Variants in ZNF730 observed in about 807,000 individuals in gnomAD.
ZNF730 encodes zinc finger protein 730.
A neutral mutation model predicts 12.6 loss-of-function variants in ZNF730; 12 were observed. The observed-to-expected ratio is 0.95, with a 90% confidence interval of 0.61 to 1.54. ZNF730 has a LOEUF of 1.54. ZNF730 is among the 40% of genes most tolerant of loss of function. The pLI, the probability that ZNF730 is intolerant of heterozygous loss-of-function variation, is 0.00. For synonymous variants in ZNF730, 194 were observed against 195.8 expected (o/e 0.99, Z 0.08); for missense variants, 643 against 583.5 (o/e 1.10, Z -1.05).
intron 1 of ZNF730, among the ~76,000 whole-genome samples, chr19:23,077,665 C>A (rs956273343): frequency 7.2e-5 from 11 of 151,946 alleles, no homozygotes; most frequent in Admixed American, 5.9e-4. Context: ...TGGTCTTGAA[C>A]TCCTGATGTC....
chr19:23,118,719 AG>A (rs757603034), intron 1 of ZNF730, among the ~76,000 whole-genome samples: 107 of 152,288 alleles, frequency 7.0e-4, no homozygotes, highest in Middle Eastern at 3.4e-3. Flanking sequence ...GCGGGTATTG[AG>A]GGAAAAACAG....
intron 1 of ZNF730, chr19:23,125,561 G>T (rs989424540): frequency 1.3e-5 from 2 of 152,174 alleles, no homozygotes; most frequent in Non-Finnish European, 2.9e-5. Flanking sequence ...AGAGATTTGT[G>T]AAACTTTGAA....
At chr19:23,117,842 T>C (rs1308838641) in intron 1 of ZNF730, among the ~76,000 whole-genome samples, 1 of 152,228 alleles carries the variant, frequency 6.6e-6, no homozygotes, top group African/African-American at 2.4e-5. Flanking sequence ...AATTTTGTTT[T>C]CCTTAATGTA....
intron 1 of ZNF730, among the ~76,000 whole-genome samples, chr19:23,129,572 T>TCCCGC (rs1555715537): frequency 1.2e-4 from 16 of 138,486 alleles, no homozygotes; most frequent in African/African-American, 4.5e-4. Flanking sequence ...AATGCTTGTA[T>TCCCGC]CCCCCCCCCC....
chr19:23,144,828 C>T (rs1338782650), intron 3 of ZNF730, among the ~76,000 whole-genome samples: 1 of 151,710 alleles, frequency 6.6e-6, no homozygotes, highest in Non-Finnish European at 1.5e-5. Flanking sequence ...TAAAGTATGC[C>T]ACCATTTCTT....
intron 1 of ZNF730, among the ~76,000 whole-genome samples, chr19:23,111,277 A>G (rs1970458387): frequency 6.6e-6 from 1 of 152,224 alleles, no homozygotes; most frequent in Admixed American, 6.5e-5. Context: ...CCATTTAAAC[A>G]TTTATACAGA....
At chr19:23,119,215 A>G (rs1970568977) in intron 1 of ZNF730, among the ~76,000 whole-genome samples, 1 of 152,214 alleles carries the variant, frequency 6.6e-6, no homozygotes, top group African/African-American at 2.4e-5. Flanking sequence ...ATTTGCCTTC[A>G]ATGCCAAGTT....
At chr19:23,093,495 C>A (rs1286454922) in intron 1 of ZNF730, among the ~76,000 whole-genome samples, 2 of 152,198 alleles carry the variant, frequency 1.3e-5, no homozygotes, top group Non-Finnish European at 2.9e-5. Flanking sequence ...AGGGGGTACC[C>A]CTGCTTGGCA....
At chr19:23,075,394 A>T (rs1291580074) in intron 1 of ZNF730, 2 of 154,232 alleles carry the variant, frequency 1.3e-5, no homozygotes, top group Non-Finnish European at 2.9e-5. Flanking sequence ...AGTGGTGCGT[A>T]TGCGGGGTTG....
At chr19:23,094,808 T>C (rs1278281521) in intron 1 of ZNF730, among the ~76,000 whole-genome samples, 1 of 152,128 alleles carries the variant, frequency 6.6e-6, no homozygotes, top group Non-Finnish European at 1.5e-5. Flanking sequence ...GGTCTCACTA[T>C]GTTGTCCAGG....
At position 23,146,935 on chromosome 19, in the gene ZNF730, A is replaced by G; in HGVS notation, c.*379A>G. ...TTTTGACAACACCTCAAACTTTTCC[A>G]GATGTCAAAGAAATGCTGGTGAGAA... On this transcript the variant is annotated 3_prime_UTR_variant, in exon 4 of 4. Transcript: ENST00000597761. 4.8e-6 allele frequency: 2 copies of G among 414,020 alleles called. No individual in the cohort carries two copies. Among genetic ancestry groups the G allele is most frequent in the Non-Finnish European group, 4.5e-6 (1 of 223,596 alleles). 25.6% of individuals were successfully genotyped at this position (414,020 alleles called of 1,614,324 possible). A position where few individuals can be genotyped will look rare whatever the true frequency, so the allele number is the denominator to read the frequency against.
At chr19:23,091,434 G>C (rs753722797) in intron 1 of ZNF730, among the ~76,000 whole-genome samples, 1 of 152,208 alleles carries the variant, frequency 6.6e-6, no homozygotes, top group Non-Finnish European at 1.5e-5. Context: ...CCAGACCCCA[G>C]AATGGTAGAT....
At chr19:23,099,768 C>T (rs552579395) in intron 1 of ZNF730, among the ~76,000 whole-genome samples, 1 of 152,270 alleles carries the variant, frequency 6.6e-6, no homozygotes, top group African/African-American at 2.4e-5. Context: ...CACCAAAAGA[C>T]CTTCTTATAG....
At chr19:23,141,433 G>A (rs990596341) in intron 3 of ZNF730, among the ~76,000 whole-genome samples, 1 of 152,000 alleles carries the variant, frequency 6.6e-6, no homozygotes, top group African/African-American at 2.4e-5. Flanking sequence ...CAGACATGGT[G>A]TTGTGCACCT....
chr19:23,106,926 G>A (rs941460514), intron 1 of ZNF730, among the ~76,000 whole-genome samples: 1 of 151,986 alleles, frequency 6.6e-6, no homozygotes, highest in Non-Finnish European at 1.5e-5. Flanking sequence ...ATAAGCATAT[G>A]AATTAGCAAT....
intron 1 of ZNF730, chr19:23,125,673 TG>T (rs2145624326): frequency 6.6e-6 from 1 of 152,434 alleles, no homozygotes; most frequent in African/African-American, 2.4e-5. Flanking sequence ...GGATAGGTTT[TG>T]TTAAAGTTGT....
At chr19:23,134,825 C>G (rs1188441976) in intron 2 of ZNF730, among the ~76,000 whole-genome samples, 5 of 128,970 alleles carry the variant, frequency 3.9e-5, no homozygotes, top group African/African-American at 1.5e-4. Flanking sequence ...GGATGGTTGC[C>G]GGGTCTGTGT....
intron 1 of ZNF730, among the ~76,000 whole-genome samples, chr19:23,129,004 G>T (rs555140380): frequency 9.2e-5 from 14 of 152,136 alleles, no homozygotes; most frequent in African/African-American, 3.4e-4. Flanking sequence ...CCAAGCCTTG[G>T]CAGCTTCCAT....
intron 1 of ZNF730, chr19:23,123,567 G>C (rs1484957362): frequency 1.4e-5 from 2 of 143,044 alleles, no homozygotes; most frequent in Non-Finnish European, 3.0e-5. Context: ...GAGACTCCAA[G>C]ACTCCATCTC....
Sources: gnomAD v4.1 joint callset for allele counts (sites outside exome capture counted in the v4.1 genomes callset) on GRCh38, gnomAD v4.1.1 for gene constraint, MANE v1.5 for transcripts, NCBI Gene and HGNC (gene_info 2026-07-23, HGNC 2026-07-21) for gene names.